ASTN2: variants seen among roughly 807,000 people sequenced by gnomAD.
ASTN2 encodes the protein astrotactin-2.
A neutral mutation model predicts 139.8 loss-of-function variants in ASTN2; 54 were observed. That is an observed-to-expected ratio of 0.39 (90% CI 0.31 to 0.48). ASTN2 has a LOEUF of 0.48. ASTN2 is among the 20% of genes least tolerant of loss of function. The pLI is 0.95. For missense variants in ASTN2, 1,565 were observed against 1,725.1 expected, an observed-to-expected ratio of 0.91 and a Z score of 1.64; for synonymous variants, 756 against 719.5, an observed-to-expected ratio of 1.05 and a Z score of -0.81.
At chr9:116,824,907 T>C (rs1831583520) in intron 11 of ASTN2, among the ~76,000 whole-genome samples, 1 of 152,118 alleles carries the variant, frequency 6.6e-6, no homozygotes, top group Non-Finnish European at 1.5e-5. Flanking sequence ...TAAAATTTGT[T>C]TGGGAAAATA....
At chr9:116,739,446 G>C (rs1045884747) in intron 13 of ASTN2, among the ~76,000 whole-genome samples, 4 of 151,948 alleles carry the variant, frequency 2.6e-5, no homozygotes, top group Non-Finnish European at 4.4e-5. Flanking sequence ...TCCTACACAA[G>C]GACCCACTTA....
intron 13 of ASTN2, among the ~76,000 whole-genome samples, chr9:116,737,063 A>G (rs1828945008): frequency 6.6e-6 from 1 of 152,202 alleles, no homozygotes; most frequent in Non-Finnish European, 1.5e-5. Context: ...AAGACAGAGA[A>G]GATGGAAGGG....
At chr9:116,733,808 G>A (rs1828850488) in intron 13 of ASTN2, among the ~76,000 whole-genome samples, 1 of 152,168 alleles carries the variant, frequency 6.6e-6, no homozygotes, top group South Asian at 2.1e-4. Flanking sequence ...TCTATAAAGT[G>A]AGACTCAGAT....
At chr9:117,244,387 G>T (rs1833304447) in intron 2 of ASTN2, among the ~76,000 whole-genome samples, 1 of 152,046 alleles carries the variant, frequency 6.6e-6, no homozygotes, top group Non-Finnish European at 1.5e-5. Flanking sequence ...TGCCTCATCT[G>T]GGAGGTGTGC....
intron 13 of ASTN2, among the ~76,000 whole-genome samples, chr9:116,756,819 C>G (rs1032453906): frequency 6.7e-6 from 1 of 149,558 alleles, no homozygotes; most frequent in Non-Finnish European, 1.5e-5. Flanking sequence ...ACTTGGTCAT[C>G]GGTGACTTCA....
chr9:116,542,927 C>T (rs990774012), intron 19 of ASTN2, among the ~76,000 whole-genome samples: 2 of 151,562 alleles, frequency 1.3e-5, no homozygotes, highest in Non-Finnish European at 2.9e-5. Context: ...CTCAAAAAAA[C>T]AAAACAAAAC....
intron 19 of ASTN2, among the ~76,000 whole-genome samples, chr9:116,530,429 A>T (rs1006668339): frequency 6.6e-6 from 1 of 151,762 alleles, no homozygotes; most frequent in African/African-American, 2.4e-5. Flanking sequence ...CATCATGGTG[A>T]CTATACTTAA....
intron 1 of ASTN2, among the ~76,000 whole-genome samples, chr9:117,379,434 T>C (rs1330815398): frequency 6.6e-6 from 1 of 152,140 alleles, no homozygotes; most frequent in East Asian, 1.9e-4. Context: ...GGTGAAGTGA[T>C]GGTGACTGGC....
At chr9:117,017,927 T>C (rs1347719692) in intron 6 of ASTN2, among the ~76,000 whole-genome samples, 3 of 150,268 alleles carry the variant, frequency 2.0e-5, no homozygotes, top group Non-Finnish European at 4.4e-5. Context: ...ATGGTGATCC[T>C]CCTTGGGACA....
At chr9:117,326,216 C>T (rs1209718258) in intron 1 of ASTN2, among the ~76,000 whole-genome samples, 1 of 151,958 alleles carries the variant, frequency 6.6e-6, no homozygotes. Flanking sequence ...ATGATATCTG[C>T]ATGCCAGATG....
intron 4 of ASTN2, among the ~76,000 whole-genome samples, chr9:117,122,621 AT>A (rs1829585922): frequency 6.6e-6 from 1 of 152,198 alleles, no homozygotes; most frequent in African/African-American, 2.4e-5. Context: ...GTGTGGATGC[AT>A]GATTCGATTT....
rs561349612 is a variant in ASTN2 at position 117,318,938 on chromosome 9, G to A, written c.443-27425C>T. Reference sequence around the variant, plus strand: ...CGCTCCTCTGAGCTGGGGAAGCGGGGGCGAGTTTCAACTAGTCACTGCGGG... The same window carrying A: ...CGCTCCTCTGAGCTGGGGAAGCGGGAGCGAGTTTCAACTAGTCACTGCGGG... On this transcript the variant is annotated intron_variant, in intron 1 of 22. Transcript: ENST00000313400. Among the ~76,000 whole-genome samples the A allele has an allele frequency of 7.7e-4, 117 of 152,282 alleles. 1 individual carries two copies. In the Middle Eastern group the frequency reaches 0.01, roughly 13 times the overall value.
chr9:116,446,295 AGAG>A (rs1489515056), intron 20 of ASTN2, among the ~76,000 whole-genome samples: 100 of 151,310 alleles, frequency 6.6e-4, no homozygotes, highest in African/African-American at 2.4e-3. Flanking sequence ...AGAGAGAGAG[AGAG>A]AGAGAGAGAG....
chr9:116,705,629 A>G (rs968399122), intron 16 of ASTN2, among the ~76,000 whole-genome samples: 1 of 152,228 alleles, frequency 6.6e-6, no homozygotes, highest in African/African-American at 2.4e-5. Flanking sequence ...CTTTATTATT[A>G]TTAGCAATAC....
chr9:117,171,735 T>A (rs968712011), intron 3 of ASTN2, among the ~76,000 whole-genome samples: 15 of 152,076 alleles, frequency 9.9e-5, no homozygotes, highest in African/African-American at 3.6e-4. Context: ...TTCTTCACCT[T>A]CGGCCATAAT....
In ASTN2 at chr9:117,204,151, G is replaced by A. The variant is rs563586367; in HGVS notation, c.1015+10207C>T. 9.2e-5 allele frequency among the ~76,000 whole-genome samples: 14 copies of A among 152,304 alleles called. No individual in the cohort carries two copies. In the South Asian group the frequency reaches 2.5e-3, roughly 27 times the overall value. On this transcript the variant is annotated intron_variant, in intron 3 of 22. Coordinates refer to ENST00000313400, the MANE Select transcript of ASTN2 (RefSeq NM_001365068.1). The stretch of plus-strand genomic sequence containing the variant: ...ACTGTGGCCGCCTACTGCCATTGCC[G>A]GTGTGTTGGGCTGTGGGGACAAGTC...
At chr9:116,836,668 G>A (rs927337712) in intron 11 of ASTN2, among the ~76,000 whole-genome samples, 3 of 152,018 alleles carry the variant, frequency 2.0e-5, no homozygotes, top group African/African-American at 7.3e-5. Flanking sequence ...TCCAAGAATA[G>A]GACACATGAG....
intron 1 of ASTN2, among the ~76,000 whole-genome samples, chr9:117,312,332 T>C (rs1827999947): frequency 6.6e-6 from 1 of 152,072 alleles, no homozygotes; most frequent in East Asian, 1.9e-4. Context: ...TTCAGTTTTT[T>C]GTTAACCACC....
At chr9:117,406,278 CCTTCAGG>C (rs1441443710) in intron 1 of ASTN2, among the ~76,000 whole-genome samples, 1 of 152,208 alleles carries the variant, frequency 6.6e-6, no homozygotes, top group East Asian at 1.9e-4. Flanking sequence ...AGTAGAGACT[CCTTCAGG>C]CTTTCCTGCA....
Sources: allele counts gnomAD v4.1 joint callset (sites outside exome capture counted in the v4.1 genomes callset), GRCh38; gene constraint gnomAD v4.1.1; transcripts MANE v1.5; gene names NCBI Gene and HGNC (gene_info 2026-07-23, HGNC 2026-07-21).